Variants in PSG4 observed in about 807,000 individuals in gnomAD.
PSG4 encodes pregnancy specific beta-1-glycoprotein 4, also known as pregnancy-specific beta-1-glycoprotein 4.
PSG4 carries 61 observed loss-of-function variants against 44.3 expected under a neutral mutation model. That is an observed-to-expected ratio of 1.38 (90% CI 1.12 to 1.70). The LOEUF (loss-of-function observed/expected upper bound fraction) is 1.70, where lower values mean the gene tolerates loss of function less well. Ranked by LOEUF, PSG4 falls within the 40% of genes most tolerant of loss-of-function variation. PSG4 has a pLI of 0.00. For synonymous variants in PSG4, 248 were observed against 191.3 expected, an observed-to-expected ratio of 1.30 and a Z score of -2.45; for missense variants, 677 against 511.7, an observed-to-expected ratio of 1.32 and a Z score of -3.12.
At position 43,202,033 on chromosome 19, in the gene PSG4, G is replaced by A. The variant is rs532285910; in HGVS notation, c.430+1853C>T. Among the ~76,000 whole-genome samples the A allele has an allele frequency of 1.6e-3, 233 of 145,274 alleles. 23 individuals are homozygous for A. The highest frequency in any genetic ancestry group is 5.9e-3 in the African/African-American group (223 of 38,038). On this transcript the variant is annotated intron_variant, in intron 2 of 5. Coordinates refer to ENST00000405312, the MANE Select transcript of PSG4 (RefSeq NM_002780.5). ...AAGCCTGGCAGGAGTGGCAACTCCA[G>A]GTGATTTCTGCACCTTTCCTATTTC...
At chr19:43,201,179 T>A (rs534870417) in intron 2 of PSG4, among the ~76,000 whole-genome samples, 1 of 145,856 alleles carries the variant, frequency 6.9e-6, no homozygotes, top group East Asian at 2.4e-4. Flanking sequence ...CTGTCCTCAC[T>A]CGTTCCTGGG....
chr19:43,195,149 C>A lies in PSG4; in HGVS notation c.834G>T (p.Gln278His), dbSNP rs778131330. ...NYTYIWWLNG[Q>H]SLPVSPRVKR... Reference sequence around the variant, plus strand: ...TTACCCTGGGACTGACAGGGAGGCTCTGACCATTTAGCCACCAAATGTAGG... The same window carrying A: ...TTACCCTGGGACTGACAGGGAGGCTATGACCATTTAGCCACCAAATGTAGG... The change falls in exon 4 of 6, where the codon CAG (glutamine) becomes CAT (histidine). Residue 278 changes from glutamine (Q) to histidine (H), a missense_variant. By Grantham distance (24) the Gln-to-His change is conservative. Coordinates refer to ENST00000405312, the MANE Select transcript of PSG4 (RefSeq NM_002780.5). The A allele has an allele frequency of 1.2e-6, 2 of 1,610,302 alleles. No individual in the cohort carries two copies. The highest frequency in any genetic ancestry group is 2.7e-5 in the African/African-American group (2 of 74,412).
chr19:43,205,111 C>CT (rs59165427), intron 1 of PSG4, among the ~76,000 whole-genome samples: 1,330 of 90,812 alleles, frequency 0.015, 226 homozygotes, highest in African/African-American at 0.048. Context: ...TTCCTTTTTT[C>CT]TTTTTTTTTT....
chr19:43,201,059 G>A (rs1324909371), intron 2 of PSG4, among the ~76,000 whole-genome samples: 2 of 145,394 alleles, frequency 1.4e-5, no homozygotes, highest in South Asian at 2.2e-4. Flanking sequence ...TGTGCTTTGG[G>A]GACTGCAGGC....
In PSG4 at chr19:43,194,990, C is replaced by A; in HGVS notation, c.988+5G>T. The A allele has an allele frequency of 6.2e-7, 1 of 1,610,228 alleles. No individual in the cohort carries two copies. Among genetic ancestry groups the A allele is most frequent in the Non-Finnish European group, 8.5e-7 (1 of 1,177,876 alleles). ...CTGGCCCACAGAGGAACAAAAGATA[C>A]TCACAGAGGACATTCAGGGTGACTG... On this transcript the variant is annotated splice_donor_5th_base_variant and intron_variant, in intron 4 of 5. Coordinates refer to ENST00000405312, the MANE Select transcript of PSG4 (RefSeq NM_002780.5).
chr19:43,195,581 T>G (rs1967208894), intron 3 of PSG4, among the ~76,000 whole-genome samples: 1 of 151,406 alleles, frequency 6.6e-6, no homozygotes, highest in Middle Eastern at 3.4e-3. Context: ...CCCTAATCAG[T>G]TAACTTGCTG....
rs1276460498 is a variant in PSG4 at position 43,193,161 on chromosome 19, A to T, written c.*211T>A. ...AACTGTCCACAGTGTGAAGTCATCA[A>T]CTTGTTATCCTGGTTTACAGTTTGA... On this transcript the variant is annotated 3_prime_UTR_variant, in exon 6 of 6. Coordinates refer to ENST00000405312, the MANE Select transcript of PSG4 (RefSeq NM_002780.5). The T allele has an allele frequency of 7.0e-6, 5 of 718,108 alleles. No homozygotes were observed. The highest frequency in any genetic ancestry group is 1.0e-5 in the Non-Finnish European group (4 of 392,560). 44.5% of individuals were successfully genotyped at this position (718,108 alleles called of 1,614,324 possible). A position where few individuals can be genotyped will look rare whatever the true frequency, so the allele number is the denominator to read the frequency against.
chr19:43,204,248 G>A lies in PSG4; in HGVS notation c.68C>T (p.Ser23Leu), dbSNP rs144672035. The change falls in exon 2 of 6, where the codon TCA becomes TTA. Residue 23 changes from serine (S) to leucine (L), a missense_variant. Physicochemically the swap from Ser to Leu is moderately radical, Grantham distance 145. Coordinates refer to ENST00000405312, the MANE Select transcript of PSG4 (RefSeq NM_002780.5). ...GGGCGGATTCCAGAAGTTTAAAAGT[G>A]ATGCTAGGAGGTACAGAGAGCATCA... ...ITWKGVLLTA[S>L]LLNFWNPPTT... The A allele has an allele frequency of 1.6e-5, 25 of 1,572,018 alleles. 4 individuals carry two copies. The African/African-American group carries it at 3.4e-4, about 21-fold the overall frequency.
In PSG4 at chr19:43,193,239, G is replaced by GCT. The variant is rs1164612017; in HGVS notation, c.*132_*133insAG. On this transcript the variant is annotated 3_prime_UTR_variant, in exon 6 of 6. Coordinates refer to ENST00000405312, the MANE Select transcript of PSG4 (RefSeq NM_002780.5). Reference sequence around the variant, plus strand: ...TTGGTGAGTTCTGAGTGGCTCACATGTCAGGTACAAGGGTTTTCCCATGAA... The same window carrying GCT: ...TTGGTGAGTTCTGAGTGGCTCACATGCTTCAGGTACAAGGGTTTTCCCATGAA... 6.8e-4 allele frequency: 524 copies of GCT among 765,038 alleles called. 9 individuals carry two copies. The highest frequency in any genetic ancestry group is 4.1e-3 in the South Asian group (302 of 74,418). The allele number at this position is 765,038 out of a possible 1,614,324, so 47.4% of individuals were successfully genotyped here. A position where few individuals can be genotyped will look rare whatever the true frequency, so the allele number is the denominator to read the frequency against.
chr19:43,200,517 G>A (rs1400498891), intron 2 of PSG4, among the ~76,000 whole-genome samples: 1 of 144,940 alleles, frequency 6.9e-6, no homozygotes, highest in South Asian at 2.2e-4. Context: ...CAAGCTGGGG[G>A]TTCCTTCCTC....
At chr19:43,204,877 C>T (rs1455082810) in intron 1 of PSG4, 1 of 395,828 alleles carries the variant, frequency 2.5e-6, no homozygotes, top group South Asian at 1.9e-5. Flanking sequence ...TGTTTCATGT[C>T]CTGCTTATAT....
rs766210630 is a variant in PSG4 at position 43,195,189 on chromosome 19, T to A, written c.794A>T (p.Lys265Met). 6.2e-7 allele frequency: 1 copy of A among 1,610,188 alleles called. No homozygotes were observed. Among genetic ancestry groups the A allele is most frequent in the South Asian group, 1.1e-5 (1 of 90,922 alleles). The change falls in exon 4 of 6, where the codon AAG (lysine) becomes ATG (methionine). Residue 265 changes from lysine to methionine, a missense_variant. Physicochemically the swap from Lys to Met is moderately conservative, Grantham distance 95 (BLOSUM62 -1). Transcript: ENST00000405312. Reference protein sequence around the residue: ...KDVLTFTCEPKSKNYTYIWWL... With the variant: ...KDVLTFTCEPMSKNYTYIWWL... ...CCAAATGTAGGTGTAGTTCTTACTC[T>A]TAGGTTCACAGGTGAAGGTTAAGAC...
intron 3 of PSG4, chr19:43,196,850 G>C (rs2122310900): frequency 6.8e-6 from 1 of 147,448 alleles, no homozygotes; most frequent in Admixed American, 6.7e-5. Flanking sequence ...ATTTAGGACA[G>C]AGTTTTATAA....
Position 43,195,736 on chromosome 19 carries a change from T to C in PSG4, c.710-463A>G, listed in dbSNP as rs982799453. On this transcript the variant is annotated intron_variant, in intron 3 of 5. Coordinates refer to ENST00000405312, the MANE Select transcript of PSG4 (RefSeq NM_002780.5). ...TGAGTAATAATGGGACTTCCCATTGTCCTGAAACCCTGAAGATACTGAGCA... is the reference window on the plus strand; with the variant it reads ...TGAGTAATAATGGGACTTCCCATTGCCCTGAAACCCTGAAGATACTGAGCA... 4.0e-5 allele frequency among the ~76,000 whole-genome samples: 6 copies of C among 151,038 alleles called. No homozygotes were observed. In the Admixed American group the frequency reaches 4.0e-4, roughly 10 times the overall value.
chr19:43,204,453 A>G, intron 1 of PSG4: 1 of 769,034 alleles, frequency 1.3e-6, no homozygotes, highest in Non-Finnish European at 1.9e-6. Context: ...CATGACCCCC[A>G]TTCCTTCAAC....
rs187892237 is a variant in PSG4 at position 43,197,315 on chromosome 19, T to G, written c.709+682A>C. 1.2e-4 allele frequency among the ~76,000 whole-genome samples: 17 copies of G among 145,730 alleles called. 4 individuals are homozygous for G. Among genetic ancestry groups the G allele is most frequent in the African/African-American group, 4.5e-4 (17 of 38,072 alleles). On this transcript the variant is annotated intron_variant, in intron 3 of 5. Coordinates refer to ENST00000405312, the MANE Select transcript of PSG4 (RefSeq NM_002780.5). ...TAGATAGACTTCACTGGAAAACATA[T>G]TGCCAATGCTCCAGGGATCCACTTA... is the stretch of plus-strand genomic sequence containing the variant.
chr19:43,196,371 G>T (rs147178535), intron 3 of PSG4: 6,945 of 151,634 alleles, frequency 0.046, 362 homozygotes, highest in Non-Finnish European at 0.063. Flanking sequence ...GTTATGCAAG[G>T]TGGGGAGGTT....
In PSG4 at chr19:43,205,607, G is replaced by C. The variant is rs1478239860; in HGVS notation, c.-71C>G. The C allele has an allele frequency of 4.8e-5, 68 of 1,431,186 alleles. 2 individuals carry two copies. Among genetic ancestry groups the C allele is most frequent in the South Asian group, 1.6e-4 (13 of 80,962 alleles). The allele number at this position is 1,431,186 out of a possible 1,614,324, so 88.7% of individuals were successfully genotyped here. On this transcript the variant is annotated 5_prime_UTR_variant, in exon 1 of 6. Coordinates refer to ENST00000405312, the MANE Select transcript of PSG4 (RefSeq NM_002780.5). ...ATCCAGAAGCTTCCTGAGTACGGCTGTCAGCTGTGCTGTCCTTCCTCCTTC... is the reference window on the plus strand; with the variant it reads ...ATCCAGAAGCTTCCTGAGTACGGCTCTCAGCTGTGCTGTCCTTCCTCCTTC...
chr19:43,194,870 G>A (rs1358218999), intron 4 of PSG4, 125 bp downstream of exon 4: 37 of 1,529,192 alleles, frequency 2.4e-5, no homozygotes, highest in South Asian at 3.9e-5. Flanking sequence ...GGGAGTCATG[G>A]CCACCTCGGA....
Sources: gnomAD v4.1 joint callset for allele counts (sites outside exome capture counted in the v4.1 genomes callset) on GRCh38, gnomAD v4.1.1 for gene constraint, MANE v1.5 for transcripts, NCBI Gene and HGNC (gene_info 2026-07-23, HGNC 2026-07-21) for gene names.